Variants in SMAD2 observed in about 807,000 individuals in gnomAD.
SMAD2 encodes SMAD family member 2, also known as MAD homolog 2.
Under a neutral mutation model 64.4 loss-of-function variants are expected in SMAD2, and 8 were observed. The observed-to-expected ratio is 0.12, with a 90% CI of 0.07 to 0.22. SMAD2 has a LOEUF of 0.22. Among genes scored for constraint, SMAD2 ranks in the 10% least tolerant of loss-of-function variants. The probability of loss-of-function intolerance (pLI) is 1.00; values close to 1 mark genes in which losing one functional copy is unlikely to be tolerated. For missense variants in SMAD2, 289 were observed against 561.2 expected (o/e 0.51, Z 4.90); for synonymous variants, 203 against 195.8 (o/e 1.04, Z -0.31).
Position 47,832,000 on chromosome 18 carries a change from C to T in SMAD2, c.*9827G>A, listed in dbSNP as rs1242866091. On this transcript the variant is annotated 3_prime_UTR_variant, in exon 11 of 11. Transcript: ENST00000262160. ...CAAACATGTTCCTGAACATTCTTCA[C>T]CCAAACTTAGACAAACCTGGAGCTT... is the stretch of plus-strand genomic sequence containing the variant. The T allele has an allele frequency of 6.6e-6, 1 of 152,208 alleles. No homozygotes were observed. The highest frequency in any genetic ancestry group is 2.1e-4 in the South Asian group (1 of 4,808). 9.4% of individuals were successfully genotyped at this position (152,208 alleles called of 1,614,324 possible).
rs1407101155 is a variant in SMAD2 at position 47,809,712 on chromosome 18, T to C, written c.*32115A>G. On this transcript the variant is annotated 3_prime_UTR_variant, in exon 11 of 11. Transcript: ENST00000262160. ...CTTTAAATCTTCTGAGGTTTCCCCA[T>C]TACTAAGCTCCCGCCCCCTGACCCT... is the stretch of plus-strand genomic sequence containing the variant. 3 of 152,216 alleles carry C rather than the reference T, an allele frequency of 2.0e-5. No individual in the cohort carries two copies. The highest frequency in any genetic ancestry group is 7.2e-5 in the African/African-American group (3 of 41,456). The allele number at this position is 152,216 out of a possible 1,614,324, so 9.4% of individuals were successfully genotyped here.
intron 1 of SMAD2, among the ~76,000 whole-genome samples, chr18:47,921,952 AG>A (rs2034578299): frequency 6.6e-6 from 1 of 152,250 alleles, no homozygotes; most frequent in African/African-American, 2.4e-5. Flanking sequence ...AAACAATAAC[AG>A]CAAACACTGA....
Position 47,827,440 on chromosome 18 carries a change from G to C in SMAD2, c.*14387C>G, listed in dbSNP as rs906337171. 12 of 152,124 alleles carry C rather than the reference G, an allele frequency of 7.9e-5. No individual in the cohort carries two copies. Among genetic ancestry groups the C allele is most frequent in the African/African-American group, 2.4e-4 (10 of 41,410 alleles). The allele number at this position is 152,124 out of a possible 1,614,324, so 9.4% of individuals were successfully genotyped here. ...TATTACTTGGTGGCAATAACGGTTA[G>C]AAAAAAAGCACATCCCTCTCCCTCT... On this transcript the variant is annotated 3_prime_UTR_variant, in exon 11 of 11. Coordinates refer to ENST00000262160, the MANE Select transcript of SMAD2 (RefSeq NM_005901.6).
At position 47,830,269 on chromosome 18, in the gene SMAD2, T is replaced by C. The variant is rs747310952; in HGVS notation, c.*11558A>G. The C allele has an allele frequency of 1.3e-5, 2 of 152,124 alleles. No homozygotes were observed. Among genetic ancestry groups the C allele is most frequent in the Non-Finnish European group, 2.9e-5 (2 of 68,002 alleles). The allele number at this position is 152,124 out of a possible 1,614,324, so 9.4% of individuals were successfully genotyped here. A position where few individuals can be genotyped will look rare whatever the true frequency, so the allele number is the denominator to read the frequency against. ...TATAAAACATTTTTATTCCAGGTGGTAAGCTGGCTTAAATTTTCACTTTTC... is the reference window on the plus strand; with the variant it reads ...TATAAAACATTTTTATTCCAGGTGGCAAGCTGGCTTAAATTTTCACTTTTC... On this transcript the variant is annotated 3_prime_UTR_variant, in exon 11 of 11. Coordinates refer to ENST00000262160, the MANE Select transcript of SMAD2 (RefSeq NM_005901.6).
rs71162900 is a variant in SMAD2 at position 47,882,041 on chromosome 18, C to CTTTTTTTTTTTTTTTTTTTTTTTT, written c.237-11501_237-11478dup. Among the ~76,000 whole-genome samples, 64 of 38,866 alleles carry CTTTTTTTTTTTTTTTTTTTTTTTT rather than the reference C, an allele frequency of 1.6e-3. 20 individuals are homozygous for CTTTTTTTTTTTTTTTTTTTTTTTT. Among genetic ancestry groups the CTTTTTTTTTTTTTTTTTTTTTTTT allele is most frequent in the Middle Eastern group, 0.025 (1 of 40 alleles). 25.5% of individuals were successfully genotyped at this position (38,866 alleles called of 152,430 possible). A position where few individuals can be genotyped will look rare whatever the true frequency, so the allele number is the denominator to read the frequency against. On this transcript the variant is annotated intron_variant, in intron 2 of 10. Coordinates refer to ENST00000262160, the MANE Select transcript of SMAD2 (RefSeq NM_005901.6). ...CACAGGAATGTACTACCACGCTTGGCTTTTTTTTTTTTTTTTTTTTTTTTT... is the reference window on the plus strand; with the variant it reads ...CACAGGAATGTACTACCACGCTTGGCTTTTTTTTTTTTTTTTTTTTTTTTTTTTTTTTTTTTTTTTTTTTTTTTT...
intron 1 of SMAD2, among the ~76,000 whole-genome samples, chr18:47,926,685 C>T (rs186174935): frequency 6.6e-6 from 1 of 152,314 alleles, no homozygotes; most frequent in African/African-American, 2.4e-5. Context: ...TGGACTGGGA[C>T]AATTTGGCTA....
At chr18:47,914,547 A>T (rs1428180499) in intron 1 of SMAD2, among the ~76,000 whole-genome samples, 2 of 152,208 alleles carry the variant, frequency 1.3e-5, no homozygotes, top group Non-Finnish European at 2.9e-5. Flanking sequence ...TTCTAAAAGA[A>T]AGATCAGAAA....
At chr18:47,920,606 A>C (rs1253673468) in intron 1 of SMAD2, among the ~76,000 whole-genome samples, 1 of 152,202 alleles carries the variant, frequency 6.6e-6, no homozygotes, top group Non-Finnish European at 1.5e-5. Flanking sequence ...GATGTAAAGG[A>C]GGCTTACTTT....
At position 47,811,684 on chromosome 18, in the gene SMAD2, G is replaced by A. The variant is rs1912210884; in HGVS notation, c.*30143C>T. 6.6e-6 allele frequency: 1 copy of A among 152,084 alleles called. No individual in the cohort carries two copies. The highest frequency in any genetic ancestry group is 2.4e-5 in the African/African-American group (1 of 41,402). 9.4% of individuals were successfully genotyped at this position (152,084 alleles called of 1,614,324 possible). A position where few individuals can be genotyped will look rare whatever the true frequency, so the allele number is the denominator to read the frequency against. ...GATCACAAAACAGACAATGAGAGCA[G>A]CTGATCAAAATGGAACCCTATGAAA... On this transcript the variant is annotated 3_prime_UTR_variant, in exon 11 of 11. Transcript: ENST00000262160.
In SMAD2 at chr18:47,850,814, ATATTATATATTATATATATTATG is replaced by A. The variant is rs1453327681; in HGVS notation, c.784+437_784+459del. ...ATATATTATATATATTATGTATAAT[ATATTATATATTATATATATTATG>A]TATATTATATATTATATATATTATA... On this transcript the variant is annotated intron_variant, in intron 7 of 10. Coordinates refer to ENST00000262160, the MANE Select transcript of SMAD2 (RefSeq NM_005901.6). Among the ~76,000 whole-genome samples, 33 of 21,484 alleles carry A rather than the reference ATATTATATATTATATATATTATG, an allele frequency of 1.5e-3. 1 individual carries two copies. The highest frequency in any genetic ancestry group is 2.0e-3 in the Non-Finnish European group (25 of 12,740). 14.1% of individuals were successfully genotyped at this position (21,484 alleles called of 152,430 possible). A position where few individuals can be genotyped will look rare whatever the true frequency, so the allele number is the denominator to read the frequency against.
At chr18:47,874,296 GAGAAGCTGAACACTAA>G (rs1033698136) in intron 2 of SMAD2, among the ~76,000 whole-genome samples, 2 of 152,006 alleles carry the variant, frequency 1.3e-5, no homozygotes, top group African/African-American at 4.8e-5. Flanking sequence ...TTCTGATCAA[GAGAAGCTGAACACTAA>G]AGTATCTACA....
chr18:47,855,861 G>C (rs898433429), intron 6 of SMAD2, among the ~76,000 whole-genome samples: 2 of 152,174 alleles, frequency 1.3e-5, no homozygotes, highest in East Asian at 3.9e-4. Flanking sequence ...CAAACTTTCT[G>C]CTGAAAAAGC....
At chr18:47,894,189 C>A (rs1360054728) in intron 2 of SMAD2, among the ~76,000 whole-genome samples, 1 of 152,180 alleles carries the variant, frequency 6.6e-6, no homozygotes, top group Non-Finnish European at 1.5e-5. Flanking sequence ...ACTGCAATGG[C>A]AACTTGAGCC....
intron 2 of SMAD2, among the ~76,000 whole-genome samples, chr18:47,875,261 C>G (rs1167996225): frequency 6.6e-6 from 1 of 152,064 alleles, no homozygotes; most frequent in African/African-American, 2.4e-5. Context: ...TTTAATGAGG[C>G]AGTTTTAATC....
At chr18:47,851,478 A>C in intron 6 of SMAD2, 151 bp from the exon 7 acceptor site, 1 of 302,414 alleles carries the variant, frequency 3.3e-6, no homozygotes, top group Non-Finnish European at 6.3e-6. Flanking sequence ...GCTTAAATTT[A>C]GTTTAATTTG....
intron 6 of SMAD2, among the ~76,000 whole-genome samples, chr18:47,853,898 T>A (rs1053492905): frequency 6.6e-6 from 1 of 152,122 alleles, no homozygotes; most frequent in Admixed American, 6.6e-5. Flanking sequence ...AAGCCACTAT[T>A]AGAAATGGAG....
chr18:47,863,259 A>T (rs78164708), intron 6 of SMAD2, among the ~76,000 whole-genome samples: 2,304 of 152,276 alleles, frequency 0.015, 57 homozygotes, highest in African/African-American at 0.053. Context: ...AGAGGCTGGC[A>T]GCCAAACTAA....
Position 47,819,670 on chromosome 18 carries a change from C to A in SMAD2, c.*22157G>T, listed in dbSNP as rs1001850412. On this transcript the variant is annotated 3_prime_UTR_variant, in exon 11 of 11. Transcript: ENST00000262160. ...AATTGGCTGGGCGCGGTGGCGGGCGCCTGTAGTCCCAGCTACTCGGGAGGC... is the reference window on the plus strand; with the variant it reads ...AATTGGCTGGGCGCGGTGGCGGGCGACTGTAGTCCCAGCTACTCGGGAGGC... 4 of 152,132 alleles carry A rather than the reference C, an allele frequency of 2.6e-5. No individual in the cohort carries two copies. Among genetic ancestry groups the A allele is most frequent in the Admixed American group, 1.3e-4 (2 of 15,266 alleles). The allele number at this position is 152,132 out of a possible 1,614,324, so 9.4% of individuals were successfully genotyped here.
intron 1 of SMAD2, among the ~76,000 whole-genome samples, chr18:47,925,975 T>C (rs929896028): frequency 6.6e-6 from 1 of 152,142 alleles, no homozygotes; most frequent in South Asian, 2.1e-4. Context: ...CAAAACACAG[T>C]GAAAAGCATA....
Sources: allele counts gnomAD v4.1 joint callset (sites outside exome capture counted in the v4.1 genomes callset), GRCh38; gene constraint gnomAD v4.1.1; transcripts MANE v1.5; gene names NCBI Gene and HGNC (gene_info 2026-07-23, HGNC 2026-07-21).